The following FCN2 variants were observed in gnomAD, a reference collection of about 807,000 sequenced individuals.
The protein encoded by FCN2 is ficolin 2.
Under a neutral mutation model 32.5 loss-of-function variants are expected in FCN2, and 31 were observed. That is an observed-to-expected ratio of 0.96 (90% CI 0.72 to 1.29). FCN2 has a LOEUF of 1.29. Ranked by LOEUF, FCN2 falls within the 50% of genes most tolerant of loss-of-function variation. The pLI is 0.00. For missense variants in FCN2, 412 were observed against 406.5 expected (o/e 1.01, Z -0.12); for synonymous variants, 181 against 164.5 (o/e 1.10, Z -0.77).
the FCN2 span, among the ~76,000 whole-genome samples, chr9:134,873,164 CTG>C: frequency 1.3e-5 from 2 of 151,120 alleles, no homozygotes; most frequent in Non-Finnish European, 2.9e-5. Flanking sequence ...AGAGTTATCT[CTG>C]TGTTCCGAGT....
intron 1 of FCN2, 137 bp from the exon 2 acceptor site, chr9:134,882,389 T>G: frequency 1.4e-6 from 1 of 735,558 alleles, no homozygotes; most frequent in Non-Finnish European, 2.4e-6. Context: ...CTGAGGGAGG[T>G]GGCTGTGGCT....
At chr9:134,885,487 T>C (rs1830736313) in intron 5 of FCN2, 121 bp downstream of exon 5, 3 of 1,475,988 alleles carry the variant, frequency 2.0e-6, no homozygotes, top group Non-Finnish European at 2.7e-6. Context: ...TCAGAGATGA[T>C]GGGGGAGATG....
chr9:134,886,537 C>A lies in FCN2; in HGVS notation c.667C>A (p.Leu223Met), dbSNP rs747813916. The change falls in exon 7 of 8, where the codon CTG becomes ATG. Residue 223 changes from leucine to methionine, a missense_variant. Physicochemically the swap from Leu to Met is conservative, Grantham distance 15. Coordinates refer to ENST00000291744, the MANE Select transcript of FCN2 (RefSeq NM_004108.3). ...ADEAEKYNLVLGAFVEGSAGD... is the reference protein window; with the variant it reads ...ADEAEKYNLVMGAFVEGSAGD... The stretch of plus-strand genomic sequence containing the variant: ...CGAGGCGGAGAAGTACAATCTGGTC[C>A]TGGGGGCCTTCGTGGAGGGCAGTGC... 1.9e-6 allele frequency: 3 copies of A among 1,614,028 alleles called. No homozygotes were observed. The highest frequency in any genetic ancestry group is 2.5e-6 in the Non-Finnish European group (3 of 1,179,974).
chr9:134,872,974 A>G, the FCN2 span, among the ~76,000 whole-genome samples: 3 of 152,202 alleles, frequency 2.0e-5, no homozygotes, highest in African/African-American at 7.2e-5. Flanking sequence ...CCAATTTCAC[A>G]GGGGTGTGGT....
the FCN2 span, among the ~76,000 whole-genome samples, chr9:134,870,247 C>T: frequency 0.01 from 1,575 of 152,332 alleles, 25 homozygotes; most frequent in African/African-American, 0.036. The surrounding 1 kb of genome is among the most constrained non-coding windows in gnomAD (Gnocchi z 4.3). Flanking sequence ...CATTGCCCCC[C>T]GAGGCAGCAG....
upstream of FCN2, among the ~76,000 whole-genome samples, chr9:134,876,123 C>T (rs1206579050): frequency 2.6e-5 from 4 of 152,138 alleles, no homozygotes; most frequent in African/African-American, 9.7e-5. Flanking sequence ...CTGGGCTAAA[C>T]CTCACTTGCT....
At position 134,880,877 on chromosome 9, in the gene FCN2, T is replaced by C. The variant is rs745482738; in HGVS notation, c.56T>C (p.Phe19Ser). ...GGCGCTGCCACCCTGCTGCTCTCTTTCCTGGGCATGGCCTGGGCTCTCCAG... is the reference window on the plus strand; with the variant it reads ...GGCGCTGCCACCCTGCTGCTCTCTTCCCTGGGCATGGCCTGGGCTCTCCAG... ...VLGAATLLLS[F>S]LGMAWALQAA... The change falls in exon 1 of 8, where the codon TTC becomes TCC. Residue 19 changes from phenylalanine to serine, a missense_variant. Transcript: ENST00000291744. The C allele has an allele frequency of 2.5e-6, 4 of 1,613,720 alleles. No homozygotes were observed. The highest frequency in any genetic ancestry group is 3.4e-6 in the Non-Finnish European group (4 of 1,179,982).
At chr9:134,881,931 C>T (rs1830669595) in intron 1 of FCN2, among the ~76,000 whole-genome samples, 2 of 152,218 alleles carry the variant, frequency 1.3e-5, no homozygotes, top group Non-Finnish European at 2.9e-5. Flanking sequence ...GCTCTAGTTT[C>T]GCACCAACTT....
chr9:134,874,785 C>A, the FCN2 span, among the ~76,000 whole-genome samples: 1 of 152,120 alleles, frequency 6.6e-6, no homozygotes, highest in African/African-American at 2.4e-5. Flanking sequence ...ATCTGCAGAT[C>A]AATTTGGGGA....
upstream of FCN2, among the ~76,000 whole-genome samples, chr9:134,877,825 T>C (rs1830616691): frequency 6.6e-6 from 1 of 152,182 alleles, no homozygotes; most frequent in South Asian, 2.1e-4. Context: ...GGGAAACTTC[T>C]GGAAGGGGGA....
chr9:134,871,671 G>C, the FCN2 span, among the ~76,000 whole-genome samples: 1 of 152,190 alleles, frequency 6.6e-6, no homozygotes, highest in African/African-American at 2.4e-5. Flanking sequence ...ATGTGGGTCT[G>C]TGGGGAGGTG....
intron 7 of FCN2, 56 bp from the exon 8 acceptor site, chr9:134,887,106 GACTTAT>G: frequency 1.3e-6 from 2 of 1,598,250 alleles, no homozygotes; most frequent in Non-Finnish European, 1.7e-6. Context: ...CAGGTATAAA[GACTTAT>G]ACTGTCTGTA....
At position 134,887,465 on chromosome 9, in the gene FCN2, G is replaced by C. The variant is rs1036646634; in HGVS notation, c.*50G>C. 1 of 1,585,376 alleles carries C rather than the reference G, an allele frequency of 6.3e-7. No individual in the cohort carries two copies. On this transcript the variant is annotated 3_prime_UTR_variant, in exon 8 of 8. Transcript: ENST00000291744. Reference sequence around the variant, plus strand: ...CGCCTCCACACATAGTTGGTTGGGGGGTAGGGTTGGGAGCTTGGCCCTACG... The same window carrying C: ...CGCCTCCACACATAGTTGGTTGGGGCGTAGGGTTGGGAGCTTGGCCCTACG...
intron 5 of FCN2, 61 bp from the exon 6 acceptor site, chr9:134,885,707 C>G: frequency 6.2e-7 from 1 of 1,610,856 alleles, no homozygotes; most frequent in Non-Finnish European, 8.5e-7. Context: ...GAGGGCGGGT[C>G]CCCCGTGCTG....
chr9:134,881,956 A>G (rs1830670051), intron 1 of FCN2, among the ~76,000 whole-genome samples: 1 of 152,202 alleles, frequency 6.6e-6, no homozygotes, highest in Non-Finnish European at 1.5e-5. Flanking sequence ...AGTGTCCTTG[A>G]AGGACGCCTC....
the FCN2 span, among the ~76,000 whole-genome samples, chr9:134,865,034 T>C: frequency 6.6e-6 from 1 of 152,320 alleles, no homozygotes; most frequent in East Asian, 1.9e-4. Context: ...TGGCGGGCAG[T>C]GGGCCTAGTC....
upstream of FCN2, among the ~76,000 whole-genome samples, chr9:134,878,710 G>A (rs978583002): frequency 4.6e-5 from 7 of 152,140 alleles, no homozygotes; most frequent in African/African-American, 1.7e-4. Flanking sequence ...GGACATGGTA[G>A]TGCCTGCCTG....
At chr9:134,870,325 G>A in the FCN2 span, among the ~76,000 whole-genome samples, 1 of 152,194 alleles carries the variant, frequency 6.6e-6, no homozygotes, top group Non-Finnish European at 1.5e-5. The surrounding 1 kb of genome is among the most constrained non-coding windows in gnomAD (Gnocchi z 4.3). Context: ...TGTGGGTGCA[G>A]AGGTCCGTGG....
upstream of FCN2, among the ~76,000 whole-genome samples, chr9:134,878,704 A>G (rs1173198838): frequency 6.6e-6 from 1 of 152,142 alleles, no homozygotes; most frequent in African/African-American, 2.4e-5. Flanking sequence ...GTAGCCGGAC[A>G]TGGTAGTGCC....
Sources: allele counts gnomAD v4.1 joint callset (sites outside exome capture counted in the v4.1 genomes callset), GRCh38; gene constraint gnomAD v4.1.1; non-coding constraint Gnocchi (gnomAD v3.1); transcripts MANE v1.5; gene names NCBI Gene and HGNC (gene_info 2026-07-23, HGNC 2026-07-21).